The following MAP3K5 variants were observed in gnomAD, a reference collection of about 807,000 sequenced individuals.
MAP3K5 encodes the protein ASK-1.
A neutral mutation model predicts 158.7 loss-of-function variants in MAP3K5; 56 were observed. The ratio of observed to expected loss-of-function variants is 0.35; its 90% CI spans 0.28 to 0.44. MAP3K5 has a LOEUF of 0.44. Among genes scored for constraint, MAP3K5 ranks in the 20% least tolerant of loss-of-function variants. MAP3K5 has a pLI of 1.00. For missense variants in MAP3K5, 1,294 were observed against 1,674.8 expected (o/e 0.77, Z 3.97); for synonymous variants, 579 against 601.7 (o/e 0.96, Z 0.55).
At chr6:136,708,422 A>G (rs1005189565) in intron 2 of MAP3K5, among the ~76,000 whole-genome samples, 1 of 151,806 alleles carries the variant, frequency 6.6e-6, no homozygotes, top group Non-Finnish European at 1.5e-5. Context: ...TGCCTGGCTA[A>G]TTTTTGTATT....
At chr6:136,717,401 A>G (rs1024293122) in intron 2 of MAP3K5, among the ~76,000 whole-genome samples, 2 of 152,230 alleles carry the variant, frequency 1.3e-5, no homozygotes, top group African/African-American at 4.8e-5. Context: ...GCCACCAAAG[A>G]GAAACTGCAG....
chr6:136,592,119 A>G, intron 23 of MAP3K5, 54 bp downstream of exon 23: 2 of 1,475,230 alleles, frequency 1.4e-6, no homozygotes, highest in Non-Finnish European at 1.8e-6. Context: ...GGCGGTTAGG[A>G]CACAGATAAA....
intron 17 of MAP3K5, 112 bp from the exon 18 acceptor site, chr6:136,611,499 G>A (rs1470570684): frequency 2.7e-5 from 16 of 589,884 alleles, no homozygotes; most frequent in African/African-American, 5.5e-5. Context: ...AGCTACCAAC[G>A]ACATTAATTC....
chr6:136,778,834 G>A (rs576452610), intron 1 of MAP3K5, among the ~76,000 whole-genome samples: 9 of 152,180 alleles, frequency 5.9e-5, no homozygotes, highest in South Asian at 2.1e-4. Flanking sequence ...AAAACTGATC[G>A]ACTGATGCTA....
Position 136,718,503 on chromosome 6 carries a change from T to C in MAP3K5, c.588+1947A>G, listed in dbSNP as rs114719684. Among the ~76,000 whole-genome samples the C allele has an allele frequency of 9.1e-3, 1,378 of 152,262 alleles. 21 individuals carry two copies. Among genetic ancestry groups the C allele is most frequent in the African/African-American group, 0.031 (1,297 of 41,536 alleles). ...CACACCCAGCCTCTCCTTTAAGAATTTGAAAATGTATGCAGATAAAGCACT... is the reference window on the plus strand; with the variant it reads ...CACACCCAGCCTCTCCTTTAAGAATCTGAAAATGTATGCAGATAAAGCACT... On this transcript the variant is annotated intron_variant, in intron 2 of 29. Transcript: ENST00000359015.
intron 12 of MAP3K5, among the ~76,000 whole-genome samples, chr6:136,641,241 G>C (rs574761559): frequency 6.6e-6 from 1 of 152,140 alleles, no homozygotes; most frequent in African/African-American, 2.4e-5. Flanking sequence ...TGAGGTAACA[G>C]GTAGCTTTAC....
At chr6:136,698,462 C>T (rs1780700210) in intron 4 of MAP3K5, 27 bp downstream of exon 4, 2 of 1,593,876 alleles carry the variant, frequency 1.3e-6, no homozygotes, top group Non-Finnish European at 1.7e-6. Context: ...TTGTCATCAC[C>T]AAATGGCATT....
At chr6:136,762,737 T>C (rs1254624718) in intron 1 of MAP3K5, among the ~76,000 whole-genome samples, 1 of 152,136 alleles carries the variant, frequency 6.6e-6, no homozygotes, top group Non-Finnish European at 1.5e-5. Flanking sequence ...TGCAGGTGAA[T>C]TAAAGCAGTC....
intron 10 of MAP3K5, among the ~76,000 whole-genome samples, chr6:136,653,951 A>G (rs1196489391): frequency 6.6e-6 from 1 of 152,166 alleles, no homozygotes; most frequent in African/African-American, 2.4e-5. Flanking sequence ...TAGTATTTAG[A>G]GATGAGGGGG....
chr6:136,764,488 T>C (rs1486803073), intron 1 of MAP3K5, among the ~76,000 whole-genome samples: 1 of 152,186 alleles, frequency 6.6e-6, no homozygotes, highest in Non-Finnish European at 1.5e-5. Flanking sequence ...CTTCCAGTCA[T>C]GGGAATGAAC....
chr6:136,754,637 G>A (rs1317715139), intron 1 of MAP3K5, among the ~76,000 whole-genome samples: 1 of 151,966 alleles, frequency 6.6e-6, no homozygotes, highest in Non-Finnish European at 1.5e-5. Context: ...GGATTATAGG[G>A]CTCCCCCACC....
chr6:136,561,632 C>T lies in MAP3K5; in HGVS notation c.3888G>A (p.Leu1296=). 1.9e-6 allele frequency: 3 copies of T among 1,603,716 alleles called. No homozygotes were observed. The highest frequency in any genetic ancestry group is 2.6e-6 in the Non-Finnish European group (3 of 1,170,554). Residue 1296 remains leucine (L), a synonymous_variant, in exon 28 of 30, where the codon TTG becomes TTA. Coordinates refer to ENST00000359015, the MANE Select transcript of MAP3K5 (RefSeq NM_005923.4). ...LKSQPIEIPE[L]PVFHLNSSGT... is the part of the protein sequence containing the mutation. ...CAGAAGAATTTAGATGAAATACAGG[C>T]AATTCAGGAATTTCTAGAACAGAAT...
chr6:136,679,968 A>G (rs9494555), intron 7 of MAP3K5, among the ~76,000 whole-genome samples: 2 of 152,122 alleles, frequency 1.3e-5, no homozygotes, highest in Non-Finnish European at 1.5e-5. Flanking sequence ...TTATTATTCA[A>G]CCTTACAAAG....
At chr6:136,662,686 T>TTA in intron 8 of MAP3K5, among the ~76,000 whole-genome samples, 1 of 152,326 alleles carries the variant, frequency 6.6e-6, no homozygotes, top group East Asian at 1.9e-4. Context: ...AGGAGTACTG[T>TTA]TATACTTGGT....
chr6:136,598,886 G>A (rs1254496260), intron 21 of MAP3K5, among the ~76,000 whole-genome samples: 1 of 152,092 alleles, frequency 6.6e-6, no homozygotes, highest in Non-Finnish European at 1.5e-5. Context: ...CAATCAAATG[G>A]GATTTTAGGC....
rs1349954926 is a variant in MAP3K5 at position 136,791,988 on chromosome 6, A to C, written c.170T>G (p.Val57Gly). The change falls in exon 1 of 30, where the codon GTG becomes GGG. Residue 57 changes from valine (V) to glycine (G), a missense_variant. By Grantham distance (109) the Val-to-Gly change is moderately radical. Transcript: ENST00000359015. ...GATGCCAGGGGCAGCGGCGCTCTCC[A>C]CGTTCCAGAAGCTGCCCGGCGGCGG... Reference protein sequence around the residue: ...PPPPPGSFWNVESAAAPGIGC... With the variant: ...PPPPPGSFWNGESAAAPGIGC... The C allele has an allele frequency of 5.0e-6, 8 of 1,605,340 alleles. No individual in the cohort carries two copies. Among genetic ancestry groups the C allele is most frequent in the Non-Finnish European group, 6.8e-6 (8 of 1,177,212 alleles).
chr6:136,638,926 T>C (rs917391539), intron 13 of MAP3K5, among the ~76,000 whole-genome samples: 10 of 152,198 alleles, frequency 6.6e-5, no homozygotes, highest in Admixed American at 2.0e-4. Flanking sequence ...CAGTCAATCA[T>C]AGTGTTCTAA....
chr6:136,588,857 C>T (rs770562657), intron 23 of MAP3K5, among the ~76,000 whole-genome samples: 3 of 152,220 alleles, frequency 2.0e-5, no homozygotes, highest in Non-Finnish European at 4.4e-5. Context: ...AGGCCAGCTA[C>T]CCCTCACTCT....
chr6:136,574,483 C>T (rs1034444048), intron 25 of MAP3K5, among the ~76,000 whole-genome samples: 6 of 152,172 alleles, frequency 3.9e-5, no homozygotes, highest in East Asian at 1.9e-4. Flanking sequence ...TACCTTAGCA[C>T]GGCCATCATA....
Sources: gnomAD v4.1 joint callset for allele counts (sites outside exome capture counted in the v4.1 genomes callset) on GRCh38, gnomAD v4.1.1 for gene constraint, MANE v1.5 for transcripts, NCBI Gene and HGNC (gene_info 2026-07-23, HGNC 2026-07-21) for gene names.